COLEC10: variants seen among roughly 807,000 people sequenced by gnomAD.
COLEC10 encodes collectin-10.
Under a neutral mutation model 28.4 loss-of-function variants are expected in COLEC10, and 22 were observed. The ratio of observed to expected loss-of-function variants is 0.78; its 90% CI spans 0.55 to 1.11. The LOEUF is 1.11. Ranked by LOEUF, COLEC10 falls within the 50% of genes least tolerant of loss-of-function variation. The pLI, the probability that COLEC10 is intolerant of heterozygous loss-of-function variation, is 0.00. For missense variants in COLEC10, 361 were observed against 344.1 expected (o/e 1.05, Z -0.39); for synonymous variants, 125 against 116.1 (o/e 1.08, Z -0.49).
At chr8:118,971,453 T>C in the COLEC10 span, among the ~76,000 whole-genome samples, 6 of 152,052 alleles carry the variant, frequency 3.9e-5, no homozygotes, top group African/African-American at 1.4e-4. Context: ...TTGTAAACAA[T>C]AGCTTATTAA....
At position 119,104,012 on chromosome 8, in the gene COLEC10, C is replaced by A. The variant is rs556975717; in HGVS notation, c.442+117C>A. 7.9e-5 allele frequency: 59 copies of A among 749,738 alleles called. No homozygotes were observed. In the African/African-American group the frequency reaches 9.8e-4, roughly 12 times the overall value. The allele number at this position is 749,738 out of a possible 1,614,324, so 46.4% of individuals were successfully genotyped here. ...GGACAAAGGGCTATTGAGATAGTGTCACCAGTTTAAGGGTCTCCCAAATTG... is the reference window on the plus strand; with the variant it reads ...GGACAAAGGGCTATTGAGATAGTGTAACCAGTTTAAGGGTCTCCCAAATTG... On this transcript the variant is annotated intron_variant, in intron 5 of 5. Coordinates refer to ENST00000332843, the MANE Select transcript of COLEC10 (RefSeq NM_006438.5).
chr8:119,108,340 G>A lies in COLEC10; in HGVS notation c.*2149G>A, dbSNP rs1481824223. Among the ~76,000 whole-genome samples the A allele has an allele frequency of 1.3e-5, 2 of 152,164 alleles. No homozygotes were observed. Among genetic ancestry groups the A allele is most frequent in the Non-Finnish European group, 2.9e-5 (2 of 68,030 alleles). ...AAATGTTGCCTACGGGCAACTTCATGTTAAGGATCCATGTTCTGATTTGTT... is the reference window on the plus strand; with the variant it reads ...AAATGTTGCCTACGGGCAACTTCATATTAAGGATCCATGTTCTGATTTGTT... On this transcript the variant is annotated 3_prime_UTR_variant, in exon 6 of 6. Coordinates refer to ENST00000332843, the MANE Select transcript of COLEC10 (RefSeq NM_006438.5).
chr8:119,072,111 G>A (rs1308505973), intron 1 of COLEC10, among the ~76,000 whole-genome samples: 2 of 152,144 alleles, frequency 1.3e-5, no homozygotes, highest in Non-Finnish European at 2.9e-5. Flanking sequence ...CCTTTCTGAC[G>A]CTTCTGAGGA....
intron 2 of COLEC10, among the ~76,000 whole-genome samples, chr8:119,039,466 G>A (rs1385507): frequency 0.042 from 6,329 of 152,256 alleles, 186 homozygotes; most frequent in East Asian, 0.16. Context: ...TGACAACACT[G>A]TGCCAGTGTT....
chr8:119,060,457 C>A (rs556101431), intron 2 of COLEC10, among the ~76,000 whole-genome samples: 2 of 152,132 alleles, frequency 1.3e-5, no homozygotes, highest in Admixed American at 1.3e-4. Context: ...ATTTCCAAAC[C>A]TATTATGTGT....
At chr8:119,021,613 A>G (rs1410916482) in intron 2 of COLEC10, among the ~76,000 whole-genome samples, 1 of 152,150 alleles carries the variant, frequency 6.6e-6, no homozygotes, top group African/African-American at 2.4e-5. Context: ...GAACTTACTG[A>G]GCAACACCAC....
chr8:119,002,230 A>G (rs1400775347), intron 1 of COLEC10, among the ~76,000 whole-genome samples: 1 of 152,154 alleles, frequency 6.6e-6, no homozygotes, highest in African/African-American at 2.4e-5. Context: ...ACTTTCATTT[A>G]AAATATGCTT....
intron 2 of COLEC10, among the ~76,000 whole-genome samples, chr8:119,059,013 C>T (rs1384930795): frequency 6.6e-6 from 1 of 151,906 alleles, no homozygotes; most frequent in African/African-American, 2.4e-5. Flanking sequence ...TTGTAAGCAC[C>T]TTTTTGTGTA....
intron 1 of COLEC10, among the ~76,000 whole-genome samples, chr8:118,996,158 C>T (rs1474025837): frequency 2.0e-5 from 3 of 152,162 alleles, no homozygotes; most frequent in African/African-American, 4.8e-5. Flanking sequence ...TGGCTTATTT[C>T]AGTTAGCATA....
the COLEC10 span, among the ~76,000 whole-genome samples, chr8:118,964,482 G>C: frequency 2.0e-5 from 3 of 152,060 alleles, no homozygotes; most frequent in Non-Finnish European, 4.4e-5. Context: ...AATCTCTAAG[G>C]TGTCAATGAG....
intron 1 of COLEC10, among the ~76,000 whole-genome samples, chr8:119,071,732 C>T (rs1207997084): frequency 2.0e-5 from 3 of 152,096 alleles, no homozygotes; most frequent in Non-Finnish European, 2.9e-5. Flanking sequence ...TCTTGCTGAG[C>T]ATGGTTTTCT....
In COLEC10 at chr8:119,067,297, T is replaced by C; in HGVS notation, c.16T>C (p.Ser6Pro). The C allele has an allele frequency of 6.2e-7, 1 of 1,614,004 alleles. No individual in the cohort carries two copies. The highest frequency in any genetic ancestry group is 8.5e-7 in the Non-Finnish European group (1 of 1,179,920). MNGFA[S>P]LLRRNQFILL... ...AACCACAGCAATGAATGGCTTTGCATCCTTGCTTCGAAGAAACCAATTTAT... is the reference window on the plus strand; with the variant it reads ...AACCACAGCAATGAATGGCTTTGCACCCTTGCTTCGAAGAAACCAATTTAT... The change falls in exon 1 of 6, where the codon TCC (serine) becomes CCC (proline). Residue 6 changes from serine to proline, a missense_variant. Around this residue, in one of 3 missense-constraint regions of COLEC10, gnomAD observed 335 missense variants for 308.5 expected, o/e 1.09. Coordinates refer to ENST00000332843, the MANE Select transcript of COLEC10 (RefSeq NM_006438.5).
the COLEC10 span, among the ~76,000 whole-genome samples, chr8:118,978,597 G>A: frequency 3.3e-5 from 5 of 151,692 alleles, no homozygotes; most frequent in South Asian, 1.0e-3. Context: ...ATATCTGTAA[G>A]TTCATATTAC....
At chr8:119,004,579 T>C (rs576964894) in intron 1 of COLEC10, among the ~76,000 whole-genome samples, 1 of 151,304 alleles carries the variant, frequency 6.6e-6, no homozygotes, top group African/African-American at 2.4e-5. Context: ...AAATATATGC[T>C]TGAATATATC....
At chr8:119,025,491 T>C (rs1003949567) in intron 2 of COLEC10, among the ~76,000 whole-genome samples, 1 of 152,176 alleles carries the variant, frequency 6.6e-6, no homozygotes, top group Non-Finnish European at 1.5e-5. Flanking sequence ...AGGAACTTCT[T>C]ACCTGAAACA....
intron 1 of COLEC10, among the ~76,000 whole-genome samples, chr8:119,069,317 G>A (rs980352703): frequency 6.6e-6 from 1 of 151,924 alleles, no homozygotes; most frequent in Non-Finnish European, 1.5e-5. Context: ...GATATGAACA[G>A]TGGGCCAGGT....
chr8:119,103,952 A>C, intron 5 of COLEC10, 57 bp downstream of exon 5: 2 of 1,115,256 alleles, frequency 1.8e-6, no homozygotes, highest in Non-Finnish European at 2.7e-6. Context: ...TCAACACTAC[A>C]ATTCCAGTAC....
chr8:119,090,159 A>G (rs1421141872), intron 2 of COLEC10, among the ~76,000 whole-genome samples: 1 of 152,186 alleles, frequency 6.6e-6, no homozygotes, highest in East Asian at 1.9e-4. Context: ...TACCTGATTC[A>G]TTGATCTATT....
At chr8:119,058,100 T>G (rs1309610333) in intron 2 of COLEC10, among the ~76,000 whole-genome samples, 3 of 152,054 alleles carry the variant, frequency 2.0e-5, no homozygotes, top group Non-Finnish European at 4.4e-5. Context: ...ATCTTAAGAT[T>G]ACTAACTTCC....
Sources: allele counts gnomAD v4.1 joint callset (sites outside exome capture counted in the v4.1 genomes callset), GRCh38; gene constraint gnomAD v4.1.1; regional missense constraint gnomAD v4.1.1; transcripts MANE v1.5; gene names NCBI Gene and HGNC (gene_info 2026-07-23, HGNC 2026-07-21).